BLMH: variants seen among roughly 807,000 people sequenced by gnomAD.
The protein encoded by BLMH is bleomycin hydrolase.
BLMH carries 32 observed loss-of-function variants against 61.6 expected under a neutral mutation model. The ratio of observed to expected loss-of-function variants is 0.52; its 90% CI spans 0.39 to 0.70. The LOEUF (loss-of-function observed/expected upper bound fraction) is 0.70, where lower values mean the gene tolerates loss of function less well. Among genes scored for constraint, BLMH ranks in the 30% least tolerant of loss-of-function variants. The probability of loss-of-function intolerance (pLI) is 0.00; values close to 1 mark genes in which losing one functional copy is unlikely to be tolerated. For missense variants in BLMH, 460 were observed against 555.5 expected (o/e 0.83, Z 1.73); for synonymous variants, 183 against 193.8 (o/e 0.94, Z 0.46).
chr17:30,282,219 GTTTTTTT>G (rs74886535), intron 6 of BLMH, among the ~76,000 whole-genome samples: 1 of 122,220 alleles, frequency 8.2e-6, no homozygotes, highest in African/African-American at 3.4e-5. Flanking sequence ...AACAGACAAG[GTTTTTTT>G]TTTTTTTTTT....
intron 11 of BLMH, among the ~76,000 whole-genome samples, chr17:30,252,786 AGACG>A (rs1907707931): frequency 1.3e-5 from 2 of 152,002 alleles, no homozygotes; most frequent in South Asian, 4.1e-4. Flanking sequence ...AATAGACGAG[AGACG>A]GAAGGACAGT....
At chr17:30,255,652 AC>A (rs1907792036) in intron 11 of BLMH, among the ~76,000 whole-genome samples, 1 of 152,146 alleles carries the variant, frequency 6.6e-6, no homozygotes, top group Non-Finnish European at 1.5e-5. Flanking sequence ...TAATCCCAGC[AC>A]TTTGGGAGGC....
chr17:30,280,158 T>A (rs1320134262), intron 6 of BLMH, among the ~76,000 whole-genome samples: 1 of 152,192 alleles, frequency 6.6e-6, no homozygotes, highest in Non-Finnish European at 1.5e-5. Context: ...ACAACCAAAC[T>A]GCTTGAAAGA....
chr17:30,258,362 C>A lies in BLMH; in HGVS notation c.1216+8523G>T, dbSNP rs191118336. 3.3e-3 allele frequency among the ~76,000 whole-genome samples: 499 copies of A among 152,228 alleles called. 1 individual carries two copies. The highest frequency in any genetic ancestry group is 5.2e-3 in the Non-Finnish European group (355 of 68,014). ...TGGCTATGTGGTGAGGACACATTTA[C>A]ATTAATAAACCATTTGCTGATAAAA... On this transcript the variant is annotated intron_variant, in intron 11 of 11. Coordinates refer to ENST00000261714, the MANE Select transcript of BLMH (RefSeq NM_000386.4).
chr17:30,273,141 C>A, intron 7 of BLMH: 1 of 411,250 alleles, frequency 2.4e-6, no homozygotes, highest in Non-Finnish European at 4.3e-6. Context: ...GTTTTTCCTA[C>A]TAGCAAGAAC....
intron 5 of BLMH, 36 bp downstream of exon 5, chr17:30,286,778 A>T (rs1281301583): frequency 6.8e-7 from 1 of 1,467,536 alleles, no homozygotes. Flanking sequence ...AGGAAAGTAC[A>T]CTAAACTCAA....
chr17:30,254,245 A>G (rs1017759620), intron 11 of BLMH, among the ~76,000 whole-genome samples: 1 of 152,224 alleles, frequency 6.6e-6, no homozygotes, highest in Admixed American at 6.5e-5. Context: ...TAAAAAAGTT[A>G]TGACAAAATG....
chr17:30,257,234 G>A (rs1274835384), intron 11 of BLMH, among the ~76,000 whole-genome samples: 1 of 152,146 alleles, frequency 6.6e-6, no homozygotes, highest in African/African-American at 2.4e-5. Context: ...AGCAAAGACT[G>A]AAACAACCCA....
At position 30,291,901 on chromosome 17, in the gene BLMH, T is replaced by C; in HGVS notation, c.-82A>G. Reference sequence around the variant, plus strand: ...CGGGATTGCGCTGCGGCTCGCTGCCTAGGGGGCCCGACCTGTCTCTCGCAC... The same window carrying C: ...CGGGATTGCGCTGCGGCTCGCTGCCCAGGGGGCCCGACCTGTCTCTCGCAC... On this transcript the variant is annotated 5_prime_UTR_variant, in exon 1 of 12. Coordinates refer to ENST00000261714, the MANE Select transcript of BLMH (RefSeq NM_000386.4). The C allele has an allele frequency of 7.9e-7, 1 of 1,261,210 alleles. No individual in the cohort carries two copies. The highest frequency in any genetic ancestry group is 1.0e-6 in the Non-Finnish European group (1 of 1,001,024). The allele number at this position is 1,261,210 out of a possible 1,614,324, so 78.1% of individuals were successfully genotyped here.
intron 6 of BLMH, among the ~76,000 whole-genome samples, chr17:30,279,599 T>C (rs1185236172): frequency 6.6e-6 from 1 of 152,144 alleles, no homozygotes; most frequent in Non-Finnish European, 1.5e-5. Context: ...GTCCTACCTC[T>C]CAAGTCTCAT....
intron 11 of BLMH, among the ~76,000 whole-genome samples, chr17:30,265,863 GCTATT>G (rs1908090014): frequency 6.6e-6 from 1 of 151,988 alleles, no homozygotes; most frequent in African/African-American, 2.4e-5. Context: ...TCTTTCAAAA[GCTATT>G]ACTAAAGACA....
At chr17:30,270,300 G>A (rs1031176403) in intron 10 of BLMH, among the ~76,000 whole-genome samples, 5 of 152,086 alleles carry the variant, frequency 3.3e-5, no homozygotes, top group African/African-American at 1.2e-4. Context: ...AGGAGTTCGA[G>A]ACCAGCCTGG....
chr17:30,274,898 G>C (rs1409097943), intron 6 of BLMH, among the ~76,000 whole-genome samples: 1 of 152,092 alleles, frequency 6.6e-6, no homozygotes, highest in Non-Finnish European at 1.5e-5. Context: ...AGGATCGCTT[G>C]AGCCCAGGAG....
chr17:30,280,969 GACTGTTTATTC>G (rs986075983), intron 6 of BLMH, among the ~76,000 whole-genome samples: 1 of 152,002 alleles, frequency 6.6e-6, no homozygotes, highest in East Asian at 1.9e-4. Context: ...CTACCTTAGT[GACTGTTTATTC>G]ACTGTTTATT....
intron 11 of BLMH, among the ~76,000 whole-genome samples, chr17:30,251,636 T>C (rs1381134051): frequency 6.6e-6 from 1 of 152,104 alleles, no homozygotes; most frequent in Admixed American, 6.5e-5. Flanking sequence ...TAGGTGTTTC[T>C]AGCAAGAGGG....
At chr17:30,282,219 G>GTTTTT (rs74886535) in intron 6 of BLMH, among the ~76,000 whole-genome samples, 11 of 122,220 alleles carry the variant, frequency 9.0e-5, no homozygotes, top group South Asian at 2.7e-4. Flanking sequence ...AACAGACAAG[G>GTTTTT]TTTTTTTTTT....
In BLMH at chr17:30,273,108, A is replaced by G. The variant is rs1045630303; in HGVS notation, c.802-209T>C. Reference sequence around the variant, plus strand: ...GCTTATTCTAATTCGCGTAAGAGACACAATTAGGAGGTGCATCTACCTGTT... The same window carrying G: ...GCTTATTCTAATTCGCGTAAGAGACGCAATTAGGAGGTGCATCTACCTGTT... On this transcript the variant is annotated intron_variant, in intron 7 of 11. Coordinates refer to ENST00000261714, the MANE Select transcript of BLMH (RefSeq NM_000386.4). 3 of 542,690 alleles carry G rather than the reference A, an allele frequency of 5.5e-6. No homozygotes were observed. The Admixed American group carries it at 1.0e-4, about 19-fold the overall frequency. 33.6% of individuals were successfully genotyped at this position (542,690 alleles called of 1,614,324 possible).
intron 7 of BLMH, 120 bp from the exon 8 acceptor site, chr17:30,273,019 T>A: frequency 9.3e-7 from 1 of 1,076,890 alleles, no homozygotes; most frequent in Non-Finnish European, 1.3e-6. Flanking sequence ...AGCTAAGTAC[T>A]ACAGCCACAT....
intron 9 of BLMH, among the ~76,000 whole-genome samples, chr17:30,272,063 GGT>G (rs1908288865): frequency 6.6e-6 from 1 of 152,106 alleles, no homozygotes; most frequent in African/African-American, 2.4e-5. Flanking sequence ...AATAGAGAAT[GGT>G]GAACAGTCAA....
Sources: allele counts gnomAD v4.1 joint callset (sites outside exome capture counted in the v4.1 genomes callset), GRCh38; gene constraint gnomAD v4.1.1; transcripts MANE v1.5; gene names NCBI Gene and HGNC (gene_info 2026-07-23, HGNC 2026-07-21).